The following CYP2U1 variants were observed in gnomAD, a reference collection of about 807,000 sequenced individuals.
CYP2U1 encodes cytochrome P450 family 2 subfamily U member 1.
In CYP2U1, 28 loss-of-function variants were observed where a neutral mutation model predicts 42.8. The ratio of observed to expected loss-of-function variants is 0.65; its 90% confidence interval spans 0.48 to 0.90. The LOEUF is 0.90. CYP2U1 is among the 40% of genes least tolerant of loss of function. The pLI is 0.00. For synonymous variants in CYP2U1, 296 were observed against 278.9 expected (o/e 1.06, Z -0.61); for missense variants, 642 against 693.8 (o/e 0.93, Z 0.84).
chr4:107,945,788 A>G (rs573501625), intron 2 of CYP2U1, among the ~76,000 whole-genome samples, 183 bp downstream of exon 2: 1 of 152,212 alleles, frequency 6.6e-6, no homozygotes, highest in South Asian at 2.1e-4. Context: ...AGACAGTAGG[A>G]CTGAGGTCAT....
At position 107,945,236 on chromosome 4, in the gene CYP2U1, G is replaced by T. The variant is rs1298796681; in HGVS notation, c.757G>T (p.Gly253Cys). ...YTNSEFKKMLGFMSRGLEICL... is the reference protein window; with the variant it reads ...YTNSEFKKMLCFMSRGLEICL... The stretch of plus-strand genomic sequence containing the variant: ...TAATAGTGAGTTCAAGAAAATGCTT[G>T]GTTTTATGTCACGAGGCCTAGAAAT... The change falls in exon 2 of 5, where the codon GGT (glycine) becomes TGT (cysteine). Residue 253 changes from glycine to cysteine, a missense_variant. Coordinates refer to ENST00000332884, the MANE Select transcript of CYP2U1 (RefSeq NM_183075.3). 2 of 1,613,896 alleles carry T rather than the reference G, an allele frequency of 1.2e-6. No homozygotes were observed. Among genetic ancestry groups the T allele is most frequent in the African/African-American group, 2.7e-5 (2 of 74,888 alleles).
chr4:107,948,793 G>A (rs557979274), intron 3 of CYP2U1, among the ~76,000 whole-genome samples: 173 of 152,184 alleles, frequency 1.1e-3, no homozygotes, highest in African/African-American at 3.8e-3. Flanking sequence ...ATAGCATGCC[G>A]TTGCTTATAC....
intron 3 of CYP2U1, among the ~76,000 whole-genome samples, chr4:107,948,915 A>G (rs1434126143): frequency 1.3e-5 from 2 of 152,326 alleles, no homozygotes; most frequent in African/African-American, 2.4e-5. Context: ...GGTAAGAGCC[A>G]GGGTTGGCTA....
intron 1 of CYP2U1, chr4:107,940,252 A>T (rs55904351): frequency 0.94 from 142,670 of 151,390 alleles, 67,402 homozygotes; most frequent in East Asian, 1. Flanking sequence ...GCTAATTAAA[A>T]TTTTTTTTTT....
At position 107,945,996 on chromosome 4, in the gene CYP2U1, A is replaced by G. The variant is rs371598544; in HGVS notation, c.1126+391A>G. On this transcript the variant is annotated intron_variant, in intron 2 of 4. Transcript: ENST00000332884. Reference sequence around the variant, plus strand: ...TTCACAAGGTCACACAGCTAGTTCTACCACCTAGTCCCAATAGATACTGAA... The same window carrying G: ...TTCACAAGGTCACACAGCTAGTTCTGCCACCTAGTCCCAATAGATACTGAA... Among the ~76,000 whole-genome samples, 33 of 152,326 alleles carry G rather than the reference A, an allele frequency of 2.2e-4. No individual in the cohort carries two copies. In the East Asian group the frequency reaches 5.0e-3, roughly 23 times the overall value.
intron 1 of CYP2U1, 103 bp downstream of exon 1, chr4:107,932,236 C>G (rs1490664265): frequency 2.1e-6 from 3 of 1,461,656 alleles, no homozygotes; most frequent in Non-Finnish European, 2.7e-6. Context: ...CCCGCGCCCC[C>G]AGGCTGCCTC....
chr4:107,935,774 C>T (rs1321697155), intron 1 of CYP2U1: 1 of 152,206 alleles, frequency 6.6e-6, no homozygotes, highest in Non-Finnish European at 1.5e-5. Context: ...CTCAGCAAGA[C>T]TTGAGGACAG....
chr4:107,941,690 CCAGA>C (rs1205173835), intron 1 of CYP2U1, among the ~76,000 whole-genome samples: 1 of 151,356 alleles, frequency 6.6e-6, no homozygotes, highest in African/African-American at 2.4e-5. Flanking sequence ...AGAGTAGTAC[CCAGA>C]CAGAGGCAAA....
Position 107,932,075 on chromosome 4 carries a change from C to T in CYP2U1, c.432C>T (p.Ala144=). ...HSVREALVQQ[A]EVFSDRPRVP... Reference sequence around the variant, plus strand: ...TGCGCGAGGCGCTGGTGCAGCAGGCCGAGGTCTTCAGCGACCGCCCGCGGG... The same window carrying T: ...TGCGCGAGGCGCTGGTGCAGCAGGCTGAGGTCTTCAGCGACCGCCCGCGGG... The change falls in exon 1 of 5, where the codon GCC becomes GCT. Residue 144 remains alanine (A), a synonymous_variant. Transcript: ENST00000332884. The T allele has an allele frequency of 6.3e-7, 1 of 1,594,636 alleles. No individual in the cohort carries two copies. The highest frequency in any genetic ancestry group is 8.5e-7 in the Non-Finnish European group (1 of 1,171,512).
chr4:107,950,573 GT>G lies in CYP2U1; in HGVS notation c.*153del. The G allele has an allele frequency of 1.4e-6, 1 of 715,008 alleles. No homozygotes were observed. Among genetic ancestry groups the G allele is most frequent in the East Asian group, 2.9e-5 (1 of 34,046 alleles). The allele number at this position is 715,008 out of a possible 1,614,324, so 44.3% of individuals were successfully genotyped here. A position where few individuals can be genotyped will look rare whatever the true frequency, so the allele number is the denominator to read the frequency against. On this transcript the variant is annotated 3_prime_UTR_variant, in exon 5 of 5. Coordinates refer to ENST00000332884, the MANE Select transcript of CYP2U1 (RefSeq NM_183075.3). ...GAAGGAGGGTAGAGCACACTGGGAG[GT>G]TTCATCTTGGAGGATTCCTCAGCAG...
At chr4:107,944,498 G>T (rs956244721) in intron 1 of CYP2U1, among the ~76,000 whole-genome samples, 7 of 150,778 alleles carry the variant, frequency 4.6e-5, no homozygotes, top group African/African-American at 1.7e-4. Flanking sequence ...TAGAGATGGG[G>T]TCTTGTTCTG....
Position 107,945,612 on chromosome 4 carries a change from A to G in CYP2U1, c.1126+7A>G. On this transcript the variant is annotated splice_region_variant and intron_variant, in intron 2 of 4. Coordinates refer to ENST00000332884, the MANE Select transcript of CYP2U1 (RefSeq NM_183075.3). ...CTGAACCCCGATGTACAAGGTAATT[A>G]ATAGGTGTTTCCTTTGTTCATGGCA... The G allele has an allele frequency of 1.3e-6, 2 of 1,549,842 alleles. No homozygotes were observed. Among genetic ancestry groups the G allele is most frequent in the Non-Finnish European group, 1.7e-6 (2 of 1,150,722 alleles).
intron 1 of CYP2U1, among the ~76,000 whole-genome samples, chr4:107,943,289 A>G (rs1733564237): frequency 6.6e-6 from 1 of 152,216 alleles, no homozygotes; most frequent in Admixed American, 6.5e-5. Flanking sequence ...AGTAAACTGC[A>G]ATGTCTAGTC....
Position 107,949,428 on chromosome 4 carries a change from G to A in CYP2U1, c.1367G>A (p.Trp456Ter). Residue 456 changes from tryptophan to a stop codon, truncating the protein, a stop_gained, in exon 4 of 5, where the codon TGG becomes TAG. Transcript: ENST00000332884. LOFTEE classifies it high-confidence loss of function. The stretch of plus-strand genomic sequence containing the variant: ...TCAGTACATAGAGACCCAGCCATTT[G>A]GGAGAAACCGGAGGATTTCTACCCT... ...LWSVHRDPAI[W>*]EKPEDFYPNR... is the part of the protein sequence containing the mutation. The A allele has an allele frequency of 1.2e-6, 2 of 1,611,466 alleles. No individual in the cohort carries two copies. Among genetic ancestry groups the A allele is most frequent in the Non-Finnish European group, 1.7e-6 (2 of 1,178,620 alleles).
intron 2 of CYP2U1, 87 bp from the exon 3 acceptor site, chr4:107,947,289 T>G: frequency 8.6e-7 from 1 of 1,157,336 alleles, no homozygotes; most frequent in Non-Finnish European, 1.3e-6. Context: ...CAGTTATGCA[T>G]TAGTGGTGAT....
intron 1 of CYP2U1, among the ~76,000 whole-genome samples, chr4:107,943,604 C>G (rs559747883): frequency 6.6e-6 from 1 of 152,284 alleles, no homozygotes; most frequent in South Asian, 2.1e-4. Context: ...CAGATTTGAG[C>G]AGACATTTGG....
intron 1 of CYP2U1, chr4:107,937,233 T>TA (rs1733303934): frequency 1.3e-5 from 2 of 152,124 alleles, no homozygotes; most frequent in Admixed American, 1.3e-4. Context: ...GAAATGAAGA[T>TA]AAACAGAAAA....
rs1733968379 is a variant in CYP2U1 at position 107,953,201 on chromosome 4, G to C, written c.*2778G>C. 6.6e-6 allele frequency: 1 copy of C among 152,176 alleles called. No homozygotes were observed. Among genetic ancestry groups the C allele is most frequent in the Non-Finnish European group, 1.5e-5 (1 of 68,030 alleles). The allele number at this position is 152,176 out of a possible 1,614,324, so 9.4% of individuals were successfully genotyped here. A position where few individuals can be genotyped will look rare whatever the true frequency, so the allele number is the denominator to read the frequency against. ...CTTATTGAGAAGAAGTCTGTTCTTG[G>C]AGAGATGTTGAAATTAGATGTTTAT... On this transcript the variant is annotated 3_prime_UTR_variant, in exon 5 of 5. Coordinates refer to ENST00000332884, the MANE Select transcript of CYP2U1 (RefSeq NM_183075.3).
chr4:107,932,070 C>T lies in CYP2U1; in HGVS notation c.427C>T (p.Gln143Ter). 6.3e-7 allele frequency: 1 copy of T among 1,592,318 alleles called. No individual in the cohort carries two copies. The highest frequency in any genetic ancestry group is 1.7e-4 in the Middle Eastern group (1 of 6,046). ...CAGCGTGCGCGAGGCGCTGGTGCAG[C>T]AGGCCGAGGTCTTCAGCGACCGCCC... is the stretch of plus-strand genomic sequence containing the variant. Reference protein sequence around the residue: ...FHSVREALVQQAEVFSDRPRV... With the variant: ...FHSVREALVQ Residue 143 changes from glutamine (Q) to a stop codon, truncating the protein, a stop_gained, in exon 1 of 5, where the codon CAG becomes TAG. Transcript: ENST00000332884. LOFTEE classifies it high-confidence loss of function.
Sources: allele counts gnomAD v4.1 joint callset (sites outside exome capture counted in the v4.1 genomes callset), GRCh38; gene constraint gnomAD v4.1.1; transcripts MANE v1.5; gene names NCBI Gene and HGNC (gene_info 2026-07-23, HGNC 2026-07-21).